Variants in EYA2 observed in about 807,000 individuals in gnomAD.
The protein encoded by EYA2 is protein phosphatase EYA2.
EYA2 carries 31 observed loss-of-function variants against 69.2 expected under a neutral mutation model. That is an observed-to-expected ratio of 0.45 (90% CI 0.34 to 0.60). The LOEUF is 0.60. Among genes scored for constraint, EYA2 ranks in the 20% least tolerant of loss-of-function variants. EYA2 has a pLI of 0.02. For synonymous variants in EYA2, 257 were observed against 279.4 expected (o/e 0.92, Z 0.80); for missense variants, 622 against 701.2 (o/e 0.89, Z 1.28).
At chr20:47,087,830 A>T (rs1340856512) in intron 7 of EYA2, among the ~76,000 whole-genome samples, 1 of 152,042 alleles carries the variant, frequency 6.6e-6, no homozygotes, top group East Asian at 1.9e-4. Context: ...CATTCAAGTC[A>T]CCTCCTAACT....
At chr20:47,009,640 T>C (rs757543282) in intron 4 of EYA2, among the ~76,000 whole-genome samples, 13 of 152,186 alleles carry the variant, frequency 8.5e-5, no homozygotes, top group Non-Finnish European at 1.6e-4. Flanking sequence ...CAACAAACTT[T>C]TTCTATAAAG....
chr20:47,023,863 C>G (rs1257609692), intron 5 of EYA2, among the ~76,000 whole-genome samples: 1 of 152,106 alleles, frequency 6.6e-6, no homozygotes, highest in Non-Finnish European at 1.5e-5. Flanking sequence ...GTCTCAAGCT[C>G]CTGAGCTCAG....
At chr20:47,183,227 G>A (rs545421782) in intron 14 of EYA2, 64 bp from the exon 15 acceptor site, 52 of 1,472,324 alleles carry the variant, frequency 3.5e-5, no homozygotes, top group Admixed American at 2.2e-4. Context: ...CTTAATGAGC[G>A]GGTATTGGCT....
intron 5 of EYA2, among the ~76,000 whole-genome samples, chr20:47,064,290 G>T (rs2031024207): frequency 6.6e-6 from 1 of 152,164 alleles, no homozygotes; most frequent in Admixed American, 6.5e-5. Context: ...GGTCATCCAT[G>T]CTGTATGTAG....
chr20:47,185,082 C>A (rs1600782398), intron 15 of EYA2, among the ~76,000 whole-genome samples: 1 of 152,120 alleles, frequency 6.6e-6, no homozygotes, highest in East Asian at 1.9e-4. Context: ...AATATGGCCG[C>A]AGGACCAGGG....
chr20:47,036,785 G>A (rs928375655), intron 5 of EYA2, among the ~76,000 whole-genome samples: 4 of 152,140 alleles, frequency 2.6e-5, no homozygotes, highest in African/African-American at 7.2e-5. Context: ...ACCAAGTACA[G>A]GGGTTCAGAA....
chr20:47,039,803 T>TAGA (rs1430793482), intron 5 of EYA2, among the ~76,000 whole-genome samples: 2 of 151,658 alleles, frequency 1.3e-5, no homozygotes, highest in Non-Finnish European at 2.9e-5. Context: ...CCCAGCTTCT[T>TAGA]CATCTCATAG....
chr20:47,109,899 G>A (rs1015206780), intron 9 of EYA2, among the ~76,000 whole-genome samples: 2 of 152,114 alleles, frequency 1.3e-5, no homozygotes, highest in Non-Finnish European at 1.5e-5. Context: ...AGGATGATTG[G>A]GCCCTCCGGG....
intron 9 of EYA2, among the ~76,000 whole-genome samples, chr20:47,138,922 TTA>T (rs1379124741): frequency 2.0e-5 from 3 of 152,230 alleles, no homozygotes; most frequent in Non-Finnish European, 4.4e-5. Flanking sequence ...TAGTAACATT[TTA>T]TGTGTCTCTA....
chr20:47,065,153 C>T (rs959756291), intron 5 of EYA2, among the ~76,000 whole-genome samples: 3 of 152,162 alleles, frequency 2.0e-5, no homozygotes, highest in African/African-American at 7.2e-5. Context: ...AATTACCTCC[C>T]ACCAGGTCCC....
chr20:47,036,094 C>T (rs1333209474), intron 5 of EYA2, among the ~76,000 whole-genome samples: 1 of 152,174 alleles, frequency 6.6e-6, no homozygotes, highest in Non-Finnish European at 1.5e-5. Flanking sequence ...AGTATTCACT[C>T]CCTTGGTCAC....
intron 1 of EYA2, among the ~76,000 whole-genome samples, chr20:46,920,726 C>G (rs1985141419): frequency 6.6e-6 from 1 of 152,168 alleles, no homozygotes; most frequent in Non-Finnish European, 1.5e-5. Flanking sequence ...TTCCAGGCCC[C>G]AGGGACACAA....
intron 7 of EYA2, among the ~76,000 whole-genome samples, chr20:47,077,944 A>T (rs1195913534): frequency 6.6e-6 from 1 of 152,222 alleles, no homozygotes; most frequent in African/African-American, 2.4e-5. Context: ...GGCAGAGAGG[A>T]ACTATAAGCA....
At chr20:47,114,099 G>C (rs774019218) in intron 9 of EYA2, among the ~76,000 whole-genome samples, 2 of 152,192 alleles carry the variant, frequency 1.3e-5, no homozygotes, top group Non-Finnish European at 2.9e-5. Context: ...CAGCCTCAAA[G>C]GCTCTGTATA....
chr20:47,030,265 A>G (rs1984329882), intron 5 of EYA2, among the ~76,000 whole-genome samples: 1 of 152,196 alleles, frequency 6.6e-6, no homozygotes, highest in African/African-American at 2.4e-5. Context: ...CACCTCTGTC[A>G]CCTGCCCACT....
intron 9 of EYA2, among the ~76,000 whole-genome samples, chr20:47,108,747 G>T (rs568490869): frequency 6.6e-6 from 1 of 151,360 alleles, no homozygotes; most frequent in South Asian, 2.1e-4. Context: ...AATTTTTTTT[G>T]AGAGACGAGG....
intron 5 of EYA2, among the ~76,000 whole-genome samples, chr20:47,023,896 C>T (rs1282696613): frequency 6.6e-6 from 1 of 152,084 alleles, no homozygotes; most frequent in Non-Finnish European, 1.5e-5. Context: ...CCTCAGCCTC[C>T]CAAAGTGCTA....
intron 1 of EYA2, among the ~76,000 whole-genome samples, chr20:46,948,504 G>A (rs1018064863): frequency 2.0e-5 from 3 of 152,132 alleles, no homozygotes; most frequent in African/African-American, 7.2e-5. Context: ...CCCAAGTGAC[G>A]ATAAGCTGCA....
intron 5 of EYA2, among the ~76,000 whole-genome samples, chr20:47,017,868 A>G (rs1983506134): frequency 6.6e-6 from 1 of 152,218 alleles, no homozygotes; most frequent in South Asian, 2.1e-4. Flanking sequence ...TGTAAGCATA[A>G]TGGCAAAGGG....
Sources: gnomAD v4.1 joint callset for allele counts (sites outside exome capture counted in the v4.1 genomes callset) on GRCh38, gnomAD v4.1.1 for gene constraint, MANE v1.5 for transcripts, NCBI Gene and HGNC (gene_info 2026-07-23, HGNC 2026-07-21) for gene names.